Variants in ATP6V1A observed in about 807,000 individuals in gnomAD.
ATP6V1A encodes ATPase H+ transporting V1 subunit A.
A neutral mutation model predicts 70.1 loss-of-function variants in ATP6V1A; 18 were observed. The ratio of observed to expected loss-of-function variants is 0.26; its 90% CI spans 0.18 to 0.38. The LOEUF (loss-of-function observed/expected upper bound fraction) is 0.38, where lower values mean the gene tolerates loss of function less well. Ranked by LOEUF, ATP6V1A falls within the 10% of genes least tolerant of loss-of-function variation. ATP6V1A has a pLI of 1.00. For synonymous variants in ATP6V1A, 232 were observed against 253.8 expected, an observed-to-expected ratio of 0.91 and a Z score of 0.82; for missense variants, 424 against 772.4, an observed-to-expected ratio of 0.55 and a Z score of 5.35.
chr3:113,783,427 T>C lies in ATP6V1A; in HGVS notation c.212-797T>C, dbSNP rs143566991. 4.8e-3 allele frequency among the ~76,000 whole-genome samples: 733 copies of C among 152,362 alleles called. 16 individuals are homozygous for C. Among genetic ancestry groups the C allele is most frequent in the Admixed American group, 0.034 (520 of 15,298 alleles). On this transcript the variant is annotated intron_variant, in intron 3 of 14. Coordinates refer to ENST00000273398, the MANE Select transcript of ATP6V1A (RefSeq NM_001690.4). ...TGCTTATTTATATATTTTATTCTTATTTGTATGTTTTCAAAATAACTTTAT... is the reference window on the plus strand; with the variant it reads ...TGCTTATTTATATATTTTATTCTTACTTGTATGTTTTCAAAATAACTTTAT...
intron 1 of ATP6V1A, among the ~76,000 whole-genome samples, chr3:113,755,378 C>T (rs1003871266): frequency 4.6e-4 from 64 of 140,276 alleles, no homozygotes; most frequent in African/African-American, 1.7e-3. Flanking sequence ...CCGATGCAGG[C>T]GGATTGCTTG....
chr3:113,798,215 T>G lies in ATP6V1A; in HGVS notation c.1291-28T>G, dbSNP rs755943977. On this transcript the variant is annotated intron_variant, in intron 11 of 14. Transcript: ENST00000273398. The stretch of plus-strand genomic sequence containing the variant: ...CTTTGTTTTTTGAGAAAAATTACTG[T>G]TTTTGTGTGTGTGTTTTTTTTAATC... The G allele has an allele frequency of 2.2e-5, 36 of 1,604,736 alleles. No individual in the cohort carries two copies. In the South Asian group the frequency reaches 3.7e-4, roughly 17 times the overall value.
In ATP6V1A at chr3:113,781,030, T is replaced by C. The variant is rs771679918; in HGVS notation, c.83-20T>C. 1.3e-6 allele frequency: 2 copies of C among 1,583,120 alleles called. No homozygotes were observed. Among genetic ancestry groups the C allele is most frequent in the East Asian group, 2.2e-5 (1 of 44,578 alleles). On this transcript the variant is annotated intron_variant, in intron 2 of 14. Coordinates refer to ENST00000273398, the MANE Select transcript of ATP6V1A (RefSeq NM_001690.4). ...GCACTAGAGTCTTAAGTCATCAAAA[T>C]AGTCTTTTGTTCTCTTCAGTGGTTA... is the stretch of plus-strand genomic sequence containing the variant.
rs1708531491 is a variant in ATP6V1A, at chr3:113,747,094, T to G, written c.-33T>G. The G allele has an allele frequency of 7.1e-6, 1 of 140,926 alleles. No individual in the cohort carries two copies. Among genetic ancestry groups the G allele is most frequent in the African/African-American group, 2.6e-5 (1 of 37,958 alleles). 8.7% of individuals were successfully genotyped at this position (140,926 alleles called of 1,614,324 possible). On this transcript the variant is annotated 5_prime_UTR_variant, in exon 1 of 15. Coordinates refer to ENST00000273398, the MANE Select transcript of ATP6V1A (RefSeq NM_001690.4). Reference sequence around the variant, plus strand: ...CTGGGTCCTCGGTCGGTACAGTCTCTGCACCTCGCGCCCCAGCAGGTGAGC... The same window carrying G: ...CTGGGTCCTCGGTCGGTACAGTCTCGGCACCTCGCGCCCCAGCAGGTGAGC...
At chr3:113,777,731 C>T (rs1173604139) in intron 1 of ATP6V1A, among the ~76,000 whole-genome samples, 1 of 152,084 alleles carries the variant, frequency 6.6e-6, no homozygotes, top group Non-Finnish European at 1.5e-5. Context: ...CCTGCCAAAT[C>T]GACGGAGACA....
intron 1 of ATP6V1A, among the ~76,000 whole-genome samples, chr3:113,753,349 G>T (rs984105494): frequency 6.6e-6 from 1 of 152,202 alleles, no homozygotes; most frequent in Non-Finnish European, 1.5e-5. Flanking sequence ...GAGATGTGAA[G>T]TGTTAGAGTT....
At chr3:113,794,773 G>A (rs562876612) in intron 8 of ATP6V1A, 99 bp from the exon 9 acceptor site, 76 of 1,381,314 alleles carry the variant, frequency 5.5e-5, no homozygotes, top group African/African-American at 1.4e-4. Context: ...AGCAGTCTAC[G>A]TTGTGTACTT....
chr3:113,797,977 A>G lies in ATP6V1A; in HGVS notation c.1291-266A>G, dbSNP rs571694835. Reference sequence around the variant, plus strand: ...GTGAAACCCCATCTCTACTAAAAGTACAAAAATTAGCCGGGCCTGATGGCG... The same window carrying G: ...GTGAAACCCCATCTCTACTAAAAGTGCAAAAATTAGCCGGGCCTGATGGCG... On this transcript the variant is annotated intron_variant, in intron 11 of 14. Coordinates refer to ENST00000273398, the MANE Select transcript of ATP6V1A (RefSeq NM_001690.4). 7.9e-5 allele frequency among the ~76,000 whole-genome samples: 12 copies of G among 152,190 alleles called. No individual in the cohort carries two copies. The South Asian group carries it at 2.5e-3, about 32-fold the overall frequency.
intron 13 of ATP6V1A, among the ~76,000 whole-genome samples, chr3:113,804,816 A>AT (rs1196205264): frequency 1.3e-5 from 2 of 152,254 alleles, no homozygotes; most frequent in Non-Finnish European, 2.9e-5. Flanking sequence ...CTGAAGTTGA[A>AT]TATTTGTTCA....
chr3:113,782,573 C>CACATATATATATATATACAT (rs1308546543), intron 3 of ATP6V1A, among the ~76,000 whole-genome samples: 1 of 141,208 alleles, frequency 7.1e-6, no homozygotes, highest in African/African-American at 2.6e-5. Flanking sequence ...TATATATATA[C>CACATATATATATATATACAT]GTATATATAT....
At chr3:113,796,730 G>A (rs191778802) in intron 11 of ATP6V1A, among the ~76,000 whole-genome samples, 1 of 152,262 alleles carries the variant, frequency 6.6e-6, no homozygotes, top group East Asian at 1.9e-4. Context: ...CAGAGAAAAG[G>A]AAATGTCAGA....
intron 12 of ATP6V1A, among the ~76,000 whole-genome samples, chr3:113,800,508 G>T (rs2712368): frequency 1 from 151,818 of 152,236 alleles, 75,700 homozygotes; most frequent in Middle Eastern, 1. Flanking sequence ...GAAAATCAAG[G>T]GAGGAGAGGA....
At position 113,784,219 on chromosome 3, in the gene ATP6V1A, T is replaced by C. The variant is rs745637760; in HGVS notation, c.212-5T>C. The C allele has an allele frequency of 6.2e-7, 1 of 1,613,618 alleles. No individual in the cohort carries two copies. Among genetic ancestry groups the C allele is most frequent in the Non-Finnish European group, 8.5e-7 (1 of 1,179,534 alleles). ...TAGTAGGTTTTCCTTAGCTGCTGTT[T>C]TTAGCTGGTGTGTCTGTTGGAGATC... On this transcript the variant is annotated splice_polypyrimidine_tract_variant and splice_region_variant and intron_variant, in intron 3 of 14. Coordinates refer to ENST00000273398, the MANE Select transcript of ATP6V1A (RefSeq NM_001690.4).
In ATP6V1A at chr3:113,810,511, ATACT is replaced by A. The variant is rs1353379450; in HGVS notation, c.*1086_*1089del. On this transcript the variant is annotated 3_prime_UTR_variant, in exon 15 of 15. Transcript: ENST00000273398. ...AAAATTTAATATCAAGGACTATTAC[ATACT>A]TCATTACTAGGAAGTTCTTTTTAAA... 2.0e-5 allele frequency: 3 copies of A among 152,224 alleles called. No homozygotes were observed. The highest frequency in any genetic ancestry group is 2.0e-4 in the Admixed American group (3 of 15,282). The allele number at this position is 152,224 out of a possible 1,614,324, so 9.4% of individuals were successfully genotyped here. A position where few individuals can be genotyped will look rare whatever the true frequency, so the allele number is the denominator to read the frequency against.
At chr3:113,792,350 T>C (rs560604919) in intron 8 of ATP6V1A, among the ~76,000 whole-genome samples, 2 of 152,226 alleles carry the variant, frequency 1.3e-5, no homozygotes, top group East Asian at 1.9e-4. Flanking sequence ...GTTTTTTTTT[T>C]CCTTAGAGAC....
intron 12 of ATP6V1A, among the ~76,000 whole-genome samples, chr3:113,801,401 CA>C (rs940034863): frequency 7.9e-5 from 12 of 152,218 alleles, no homozygotes; most frequent in Non-Finnish European, 1.5e-4. Flanking sequence ...GCTCAAACAA[CA>C]CTGAGAACAT....
At chr3:113,794,756 A>T in intron 8 of ATP6V1A, 116 bp from the exon 9 acceptor site, 1 of 1,188,664 alleles carries the variant, frequency 8.4e-7, no homozygotes, top group Non-Finnish European at 1.2e-6. Context: ...GCTTTGAGGG[A>T]GCCACTAGCA....
intron 13 of ATP6V1A, among the ~76,000 whole-genome samples, chr3:113,804,071 C>T (rs1278802959): frequency 6.6e-6 from 1 of 152,082 alleles, no homozygotes; most frequent in Non-Finnish European, 1.5e-5. Flanking sequence ...AATCTCAGCT[C>T]ATTGCAGCCT....
intron 12 of ATP6V1A, among the ~76,000 whole-genome samples, chr3:113,800,258 C>T (rs1000376185): frequency 6.6e-6 from 1 of 150,978 alleles, no homozygotes. Context: ...GACGCAATTT[C>T]TCTTTAATCT....
Sources: gnomAD v4.1 joint callset for allele counts (sites outside exome capture counted in the v4.1 genomes callset) on GRCh38, gnomAD v4.1.1 for gene constraint, MANE v1.5 for transcripts, NCBI Gene and HGNC (gene_info 2026-07-23, HGNC 2026-07-21) for gene names.